Variants in RASL12 observed in about 807,000 individuals in gnomAD.
RASL12 encodes the protein ras-like protein family member 12.
RASL12 carries 16 observed loss-of-function variants against 22.9 expected under a neutral mutation model. That is an observed-to-expected ratio of 0.70 (90% CI 0.47 to 1.06). The LOEUF (loss-of-function observed/expected upper bound fraction) is 1.06, where lower values mean the gene tolerates loss of function less well. Among genes scored for constraint, RASL12 ranks in the 50% least tolerant of loss-of-function variants. RASL12 has a pLI of 0.00. For missense variants in RASL12, 306 were observed against 353.1 expected (o/e 0.87, Z 1.07); for synonymous variants, 159 against 152.2 (o/e 1.04, Z -0.33).
At chr15:65,076,409 G>A (rs1237955049) in intron 1 of RASL12, 5 of 507,502 alleles carry the variant, frequency 9.9e-6, no homozygotes, top group Non-Finnish European at 1.8e-5. Flanking sequence ...GCGAAGGTCT[G>A]CAGCTTCACT....
downstream of RASL12, among the ~76,000 whole-genome samples, chr15:65,050,836 C>CTTTTTTTTTTTTTTTTTTTTTTTTTTTT (rs57404080): frequency 2.1e-5 from 2 of 95,650 alleles, no homozygotes; most frequent in Non-Finnish European, 1.9e-5. Context: ...TCTTCTTCTT[C>CTTTTTTTTTTTTTTTTTTTTTTTTTTTT]TTTTTTTTTT....
intron 1 of RASL12, among the ~76,000 whole-genome samples, chr15:65,076,286 T>C (rs183348661): frequency 3.3e-5 from 5 of 152,310 alleles, no homozygotes; most frequent in Admixed American, 3.3e-4. Flanking sequence ...TTATGAGCTG[T>C]AACACTCACC....
chr15:65,058,218 G>T (rs188993131), intron 4 of RASL12, among the ~76,000 whole-genome samples: 1 of 152,206 alleles, frequency 6.6e-6, no homozygotes. Flanking sequence ...GCAGTGAGCC[G>T]AGATGGTGCC....
chr15:65,047,795 TGATAGATAGATAGATAGATA>T, the RASL12 span, among the ~76,000 whole-genome samples: 2 of 149,832 alleles, frequency 1.3e-5, no homozygotes, highest in Non-Finnish European at 3.0e-5. Context: ...GATCGATAGA[TGATAGATAGATAGATAGATA>T]GATAGATAGA....
intron 2 of RASL12, among the ~76,000 whole-genome samples, chr15:65,062,230 C>A (rs1027884761): frequency 6.6e-6 from 1 of 152,168 alleles, no homozygotes; most frequent in African/African-American, 2.4e-5. Flanking sequence ...TCCTGCGGGT[C>A]TCAGCACAGG....
At chr15:65,056,218 G>A (rs1335300419) in intron 4 of RASL12, among the ~76,000 whole-genome samples, 2 of 152,172 alleles carry the variant, frequency 1.3e-5, no homozygotes, top group Non-Finnish European at 2.9e-5. Flanking sequence ...CCATTCCCGA[G>A]GATAATGGCA....
chr15:65,067,674 G>T, intron 1 of RASL12, 59 bp downstream of exon 1: 1 of 1,489,886 alleles, frequency 6.7e-7, no homozygotes, highest in Non-Finnish European at 8.9e-7. Flanking sequence ...ACAGCCCACT[G>T]TCCCCCCACC....
chr15:65,068,593 T>G (rs564425839), upstream of RASL12, among the ~76,000 whole-genome samples: 1 of 152,300 alleles, frequency 6.6e-6, no homozygotes, highest in Admixed American at 6.5e-5. This position sits in a 1 kb window ranked among gnomAD's most constrained non-coding sequence, Gnocchi z 4.2. Context: ...AATTACTGTC[T>G]CTCCCTAATG....
At chr15:65,049,380 C>T (rs1388751567), downstream of RASL12, 3 of 151,802 alleles carry the variant, frequency 2.0e-5, no homozygotes, top group Non-Finnish European at 2.9e-5. Context: ...CAGGGGGTGC[C>T]CTCTCAGCAT....
chr15:65,073,443 C>T (rs1046595971), intron 1 of RASL12, among the ~76,000 whole-genome samples: 9 of 152,174 alleles, frequency 5.9e-5, no homozygotes, highest in Admixed American at 2.6e-4. Flanking sequence ...ATACCTCCCA[C>T]ATGCAGTTCA....
rs146854664 is a variant in RASL12, at chr15:65,061,506, T to C, written c.161-2088A>G. ...GCTGGGGCAGGAGTGAGGGGCTCCT[T>C]TCCCAGTCACAGTAATGTCCAGACT... On this transcript the variant is annotated intron_variant, in intron 2 of 4. Coordinates refer to ENST00000220062, the MANE Select transcript of RASL12 (RefSeq NM_016563.4). Among the ~76,000 whole-genome samples the C allele has an allele frequency of 2.7e-3, 404 of 152,244 alleles. 3 individuals carry two copies. The highest frequency in any genetic ancestry group is 9.2e-3 in the African/African-American group (383 of 41,528).
At chr15:65,050,122 G>A, downstream of RASL12, 1 of 1,542,156 alleles carries the variant, frequency 6.5e-7, no homozygotes, top group Non-Finnish European at 8.8e-7. Context: ...AGAGATTGAC[G>A]GCAGGGGTGG....
chr15:65,074,169 C>T (rs1169282157), intron 1 of RASL12, among the ~76,000 whole-genome samples: 1 of 137,338 alleles, frequency 7.3e-6, no homozygotes, highest in Non-Finnish European at 1.5e-5. Context: ...TCCTGTACCC[C>T]AGCCTGGCCC....
At position 65,059,361 on chromosome 15, in the gene RASL12, A is replaced by G. The variant is rs1335821424; in HGVS notation, c.218T>C (p.Met73Thr). The change falls in exon 3 of 5, where the codon ATG (methionine) becomes ACG (threonine). Residue 73 changes from methionine (M) to threonine (T), a missense_variant. By Grantham distance (81) the Met-to-Thr change is moderately conservative. Transcript: ENST00000220062. The stretch of plus-strand genomic sequence containing the variant: ...TAATGTTACCAGGTCTGCAGTGTCC[A>G]TGACCCTCAGGTGGACAGGCTGGTG... ...VDHQPVHLRVMDTADLDTPRN... is the reference protein window; with the variant it reads ...VDHQPVHLRVTDTADLDTPRN... The G allele has an allele frequency of 2.5e-6, 4 of 1,613,964 alleles. No individual in the cohort carries two copies. The Admixed American group carries it at 5.0e-5, about 20-fold the overall frequency.
chr15:65,058,735 G>T (rs2140520154), intron 3 of RASL12, 118 bp from the exon 4 acceptor site: 2 of 772,574 alleles, frequency 2.6e-6, no homozygotes, highest in Non-Finnish European at 3.8e-6. Context: ...TTTCTCAGCA[G>T]AGCCCTTTCA....
chr15:65,056,503 C>T (rs540731518), intron 4 of RASL12, among the ~76,000 whole-genome samples: 1 of 152,324 alleles, frequency 6.6e-6, no homozygotes, highest in African/African-American at 2.4e-5. Context: ...CTATTATTTG[C>T]TTTTATGATG....
At chr15:65,053,106 T>C (rs142436732), downstream of RASL12, 427 of 1,613,982 alleles carry the variant, frequency 2.6e-4, no homozygotes, top group Non-Finnish European at 3.4e-4. Flanking sequence ...GAACTTGAGT[T>C]AAAAGAGAGA....
the RASL12 span, among the ~76,000 whole-genome samples, chr15:65,046,468 C>T: frequency 3.6e-4 from 55 of 151,648 alleles, no homozygotes; most frequent in East Asian, 0.01. Context: ...GAAACTCTGT[C>T]TCAAAAAAAA....
chr15:65,073,038 G>A (rs756548561), intron 1 of RASL12, among the ~76,000 whole-genome samples: 15 of 151,902 alleles, frequency 9.9e-5, no homozygotes, highest in Admixed American at 2.6e-4. Flanking sequence ...GTGAGACTCC[G>A]TCTCAAAAAA....
Sources: allele counts gnomAD v4.1 joint callset (sites outside exome capture counted in the v4.1 genomes callset), GRCh38; gene constraint gnomAD v4.1.1; non-coding constraint Gnocchi (gnomAD v3.1); transcripts MANE v1.5; gene names NCBI Gene and HGNC (gene_info 2026-07-23, HGNC 2026-07-21).